The following ATXN10 variants were observed in gnomAD, a reference collection of about 807,000 sequenced individuals.
ATXN10 encodes the protein ataxin-10.
In ATXN10, 28 loss-of-function variants were observed where a neutral mutation model predicts 52.9. The ratio of observed to expected loss-of-function variants is 0.53; its 90% CI spans 0.39 to 0.73. The LOEUF is 0.73. Ranked by LOEUF, ATXN10 falls within the 30% of genes least tolerant of loss-of-function variation. ATXN10 has a pLI of 0.00. For missense variants in ATXN10, 565 were observed against 577.0 expected (o/e 0.98, Z 0.21); for synonymous variants, 226 against 221.5 (o/e 1.02, Z -0.18).
chr22:45,689,450 T>A, intron 1 of ATXN10: 1 of 497,536 alleles, frequency 2.0e-6, no homozygotes, highest in Non-Finnish European at 3.7e-6. Flanking sequence ...TTACCTTATC[T>A]GTAAATGGAG....
In ATXN10 at chr22:45,763,307, T is replaced by C; in HGVS notation, c.1173+22769T>C. 6.6e-6 allele frequency among the ~76,000 whole-genome samples: 1 copy of C among 152,168 alleles called. No individual in the cohort carries two copies. The highest frequency in any genetic ancestry group is 1.9e-4 in the East Asian group (1 of 5,184). Reference sequence around the variant, plus strand: ...AGAAGGAAGGAACGAGGGAACTGGCTGGAGAGACTTGGAGGGCTCCTCAGA... The same window carrying C: ...AGAAGGAAGGAACGAGGGAACTGGCCGGAGAGACTTGGAGGGCTCCTCAGA... On this transcript the variant is annotated intron_variant, in intron 9 of 11. Transcript: ENST00000252934. The surrounding 1 kb of genome is among the most constrained non-coding windows in gnomAD (Gnocchi z 6.9).
chr22:45,831,223 T>C (rs1928980860), intron 10 of ATXN10, among the ~76,000 whole-genome samples: 1 of 152,176 alleles, frequency 6.6e-6, no homozygotes, highest in East Asian at 1.9e-4. Context: ...TACTGTTTAA[T>C]GGGGACTGAG....
At position 45,826,887 on chromosome 22, in the gene ATXN10, A is replaced by G. The variant is rs1928832603; in HGVS notation, c.1238-16104A>G. 6.6e-6 allele frequency among the ~76,000 whole-genome samples: 1 copy of G among 152,222 alleles called. No individual in the cohort carries two copies. Among genetic ancestry groups the G allele is most frequent in the South Asian group, 2.1e-4 (1 of 4,830 alleles). ...GAGATAAATTCATGAGCAATATACA[A>G]GCTAGTTTATAACTTCACATTTTGT... On this transcript the variant is annotated intron_variant, in intron 10 of 11. Coordinates refer to ENST00000252934, the MANE Select transcript of ATXN10 (RefSeq NM_013236.4). The surrounding 1 kb of genome is among the most constrained non-coding windows in gnomAD (Gnocchi z 5.0).
chr22:45,689,179 C>G (rs952830954), intron 1 of ATXN10, among the ~76,000 whole-genome samples: 1 of 152,212 alleles, frequency 6.6e-6, no homozygotes, highest in Non-Finnish European at 1.5e-5. Flanking sequence ...CCTTGTCCTA[C>G]AGGAATATTG....
chr22:45,792,685 G>A, intron 9 of ATXN10: 1 of 291,514 alleles, frequency 3.4e-6, no homozygotes. Flanking sequence ...TAGGGTTTCA[G>A]TGGCTCTGAA....
chr22:45,813,431 T>G (rs1166035065), intron 10 of ATXN10, among the ~76,000 whole-genome samples: 1 of 142,566 alleles, frequency 7.0e-6, no homozygotes, highest in Non-Finnish European at 1.5e-5. Flanking sequence ...TTTGTTTTTT[T>G]CTTTTTTCTT....
chr22:45,794,244 A>G (rs1468963339), intron 9 of ATXN10, among the ~76,000 whole-genome samples: 1 of 152,196 alleles, frequency 6.6e-6, no homozygotes. Context: ...CCTCTCCAGG[A>G]CATGGGCAGT....
At position 45,747,951 on chromosome 22, in the gene ATXN10, TACTTGGTGGGGCCAAG is replaced by T. The variant is rs1317228440; in HGVS notation, c.1173+7414_1173+7429del. Among the ~76,000 whole-genome samples, 4 of 151,798 alleles carry T rather than the reference TACTTGGTGGGGCCAAG, an allele frequency of 2.6e-5. No homozygotes were observed. In the East Asian group the frequency reaches 7.8e-4, roughly 30 times the overall value. ...AAAATAAATAGCCGGTATTTCCAGT[TACTTGGTGGGGCCAAG>T]GCAGGAGGATCGCTTGAGCCCAGGA... On this transcript the variant is annotated intron_variant, in intron 9 of 11. Coordinates refer to ENST00000252934, the MANE Select transcript of ATXN10 (RefSeq NM_013236.4).
At chr22:45,756,550 G>T (rs748744825) in intron 9 of ATXN10, among the ~76,000 whole-genome samples, 76 of 152,198 alleles carry the variant, frequency 5.0e-4, no homozygotes, top group Non-Finnish European at 1.0e-3. Flanking sequence ...TTAAGCAAGA[G>T]AATATGTATG....
Position 45,775,550 on chromosome 22 carries a change from C to G in ATXN10, c.1174-31409C>G, listed in dbSNP as rs1926922514. 6.6e-6 allele frequency among the ~76,000 whole-genome samples: 1 copy of G among 152,112 alleles called. No individual in the cohort carries two copies. The highest frequency in any genetic ancestry group is 1.5e-5 in the Non-Finnish European group (1 of 68,030). On this transcript the variant is annotated intron_variant, in intron 9 of 11. Coordinates refer to ENST00000252934, the MANE Select transcript of ATXN10 (RefSeq NM_013236.4). This position sits in a 1 kb window ranked among gnomAD's most constrained non-coding sequence, Gnocchi z 4.7. ...GTAGTGTCTCAGTTTTATTAAAATG[C>G]AGTTAATATTGGAAAATATGGTTAG...
chr22:45,819,151 C>T lies in ATXN10; in HGVS notation c.1237+12129C>T, dbSNP rs1004766297. 2.6e-5 allele frequency among the ~76,000 whole-genome samples: 4 copies of T among 151,966 alleles called. No individual in the cohort carries two copies. Among genetic ancestry groups the T allele is most frequent in the Non-Finnish European group, 4.4e-5 (3 of 68,008 alleles). ...TACATTTAACAGAGTAGCCATCCTG[C>T]ATTCCTCCTGGTTTCTCTGTAGTAT... On this transcript the variant is annotated intron_variant, in intron 10 of 11. Transcript: ENST00000252934. The surrounding 1 kb of genome is among the most constrained non-coding windows in gnomAD (Gnocchi z 4.5).
chr22:45,718,473 C>A lies in ATXN10; in HGVS notation c.708C>A (p.Pro236=), dbSNP rs751299048. 6.2e-7 allele frequency: 1 copy of A among 1,613,596 alleles called. No individual in the cohort carries two copies. The highest frequency in any genetic ancestry group is 1.7e-5 in the Admixed American group (1 of 59,992). The change falls in exon 6 of 12, where the codon CCC becomes CCA. Residue 236 remains proline (P), a synonymous_variant. Coordinates refer to ENST00000252934, the MANE Select transcript of ATXN10 (RefSeq NM_013236.4). The surrounding 1 kb of genome is among the most constrained non-coding windows in gnomAD (Gnocchi z 4.4). ...CGGAATTGGTACAAGCCATGTTTCC[C>A]AAACTGAACAATCAAGAAAGGTAAC... ...KSPELVQAMF[P]KLNNQERVTL...
chr22:45,768,397 T>C (rs1046270820), intron 9 of ATXN10, among the ~76,000 whole-genome samples: 4 of 149,100 alleles, frequency 2.7e-5, no homozygotes, highest in African/African-American at 9.8e-5. Context: ...AAAAAAAAAA[T>C]GCAGTGGATT....
At chr22:45,711,549 C>T (rs774673812) in intron 5 of ATXN10, among the ~76,000 whole-genome samples, 2 of 152,134 alleles carry the variant, frequency 1.3e-5, no homozygotes, top group African/African-American at 2.4e-5. Context: ...GTAAGATCCG[C>T]ACATCGTGTC....
At chr22:45,813,995 T>C (rs1260388524) in intron 10 of ATXN10, among the ~76,000 whole-genome samples, 2 of 152,210 alleles carry the variant, frequency 1.3e-5, no homozygotes, top group African/African-American at 4.8e-5. Context: ...GCTGGACCAA[T>C]TTAATGTCCA....
chr22:45,740,292 G>T lies in ATXN10; in HGVS notation c.1004-77G>T, dbSNP rs1362295356. ...TAGCCTATTACAATAAATTAGATTT[G>T]TCTATGGAAAACTATTAGTACAACA... On this transcript the variant is annotated intron_variant, in intron 8 of 11. Coordinates refer to ENST00000252934, the MANE Select transcript of ATXN10 (RefSeq NM_013236.4). 4 of 1,401,266 alleles carry T rather than the reference G, an allele frequency of 2.9e-6. No homozygotes were observed. The East Asian group carries it at 6.9e-5, about 24-fold the overall frequency. The allele number at this position is 1,401,266 out of a possible 1,614,324, so 86.8% of individuals were successfully genotyped here. A position where few individuals can be genotyped will look rare whatever the true frequency, so the allele number is the denominator to read the frequency against.
At chr22:45,743,693 A>G (rs1925624112) in intron 9 of ATXN10, among the ~76,000 whole-genome samples, 1 of 152,330 alleles carries the variant, frequency 6.6e-6, no homozygotes, top group East Asian at 1.9e-4. Context: ...CCCAGAAGAC[A>G]AAAGGGACTG....
At chr22:45,760,628 CTTA>C (rs955712844) in intron 9 of ATXN10, 22 of 154,086 alleles carry the variant, frequency 1.4e-4, no homozygotes, top group Admixed American at 1.3e-4. Context: ...ATAGTAGTTG[CTTA>C]TTGAGTGTGT....
At chr22:45,785,094 C>T (rs1211112809) in intron 9 of ATXN10, among the ~76,000 whole-genome samples, 2 of 152,298 alleles carry the variant, frequency 1.3e-5, no homozygotes, top group East Asian at 1.9e-4. Context: ...ACAGATGTGC[C>T]GAAACAGCTT....
Sources: gnomAD v4.1 joint callset for allele counts (sites outside exome capture counted in the v4.1 genomes callset) on GRCh38, gnomAD v4.1.1 for gene constraint, Gnocchi (gnomAD v3.1) non-coding constraint, MANE v1.5 for transcripts, NCBI Gene and HGNC (gene_info 2026-07-23, HGNC 2026-07-21) for gene names.